The following PLD3 variants were observed in gnomAD, a reference collection of about 807,000 sequenced individuals.
The protein encoded by PLD3 is phospholipase D family member 3, also known as 5'-3' exonuclease PLD3.
A neutral mutation model predicts 58.4 loss-of-function variants in PLD3; 31 were observed. The ratio of observed to expected loss-of-function variants is 0.53; its 90% CI spans 0.40 to 0.72. The LOEUF is 0.72. Among genes scored for constraint, PLD3 ranks in the 30% least tolerant of loss-of-function variants. The probability of loss-of-function intolerance (pLI) is 0.00; values close to 1 mark genes in which losing one functional copy is unlikely to be tolerated. For synonymous variants in PLD3, 264 were observed against 273.4 expected, an observed-to-expected ratio of 0.97 and a Z score of 0.34; for missense variants, 595 against 659.8, an observed-to-expected ratio of 0.90 and a Z score of 1.08.
intron 9 of PLD3, 127 bp from the exon 10 acceptor site, chr19:40,374,354 T>G (rs2079139446): frequency 2.0e-6 from 2 of 985,516 alleles, no homozygotes; most frequent in Non-Finnish European, 1.5e-6. Context: ...TTGACCCTCT[T>G]CTTCATGGAG....
chr19:40,358,057 A>C (rs980567704), intron 1 of PLD3: 1 of 152,102 alleles, frequency 6.6e-6, no homozygotes, highest in Non-Finnish European at 1.5e-5. Flanking sequence ...TCCCCCAGCC[A>C]CCACCCTCCA....
intron 1 of PLD3, among the ~76,000 whole-genome samples, chr19:40,364,883 G>A (rs1384978294): frequency 6.6e-6 from 1 of 151,732 alleles, no homozygotes; most frequent in African/African-American, 2.4e-5. Flanking sequence ...AGGATTGCTT[G>A]AGCCTGGGAA....
chr19:40,368,218 GC>G (rs2078977205), intron 6 of PLD3, among the ~76,000 whole-genome samples: 1 of 152,054 alleles, frequency 6.6e-6, no homozygotes, highest in Non-Finnish European at 1.5e-5. Flanking sequence ...CAAGACAGGG[GC>G]CACCTCCCAG....
In PLD3 at chr19:40,366,693, C is replaced by G. The variant is rs1438991367; in HGVS notation, c.102+9C>G. 2 of 1,610,844 alleles carry G rather than the reference C, an allele frequency of 1.2e-6. No individual in the cohort carries two copies. The highest frequency in any genetic ancestry group is 1.7e-6 in the Non-Finnish European group (2 of 1,178,028). ...GGAAGGCTGCGGAAAAGGTAGGAGC[C>G]CTCCGCCACCCTCGCTCTGTCTCAG... On this transcript the variant is annotated intron_variant, in intron 4 of 12. Transcript: ENST00000409735.
rs267605483 is a variant in PLD3 at position 40,367,751 on chromosome 19, G to A, written c.301G>A (p.Gly101Arg). 1.2e-6 allele frequency: 2 copies of A among 1,613,868 alleles called. No individual in the cohort carries two copies. The highest frequency in any genetic ancestry group is 2.2e-5 in the East Asian group (1 of 44,864). ...CCTGGACTTCCCCAATGCCTCCACG[G>A]GGAACCCTTCCACCAGCCAGGCCTG... ...EGLDFPNAST[G>R]NPSTSQAWLG... is the part of the protein sequence containing the mutation. Residue 101 changes from glycine to arginine, a missense_variant, in exon 6 of 13, where the codon GGG (glycine) becomes AGG (arginine). Coordinates refer to ENST00000409735, the MANE Select transcript of PLD3 (RefSeq NM_012268.4).
chr19:40,355,612 CTTTTTTTTTTTTTT>C (rs60422933), intron 1 of PLD3, among the ~76,000 whole-genome samples: 2 of 81,104 alleles, frequency 2.5e-5, no homozygotes, highest in Admixed American at 1.7e-4. Flanking sequence ...GTGCCGGCTC[CTTTTTTTTTTTTTT>C]TTTTTTTTTT....
At position 40,370,180 on chromosome 19, in the gene PLD3, G is replaced by A. The variant is rs775104213; in HGVS notation, c.621G>A (p.Val207=). Residue 207 remains valine (V), a synonymous_variant, in exon 8 of 13, where the codon GTG becomes GTA. Transcript: ENST00000409735. The stretch of plus-strand genomic sequence containing the variant: ...TCCTGCATACCAAGTTCTGGGTGGT[G>A]GACCAGACCCACTTCTACCTGGGCA... ...HGVLHTKFWV[V]DQTHFYLGSA... 9 of 1,614,008 alleles carry A rather than the reference G, an allele frequency of 5.6e-6. No individual in the cohort carries two copies. In the Middle Eastern group the frequency reaches 4.9e-4, roughly 89 times the overall value.
chr19:40,349,884 G>A (rs923411601), intron 1 of PLD3, among the ~76,000 whole-genome samples: 53 of 147,714 alleles, frequency 3.6e-4, no homozygotes, highest in African/African-American at 1.2e-3. Context: ...CTTGAACCGG[G>A]GAGGTGGAGG....
At chr19:40,368,251 A>G (rs2145688955) in intron 6 of PLD3, among the ~76,000 whole-genome samples, 1 of 152,224 alleles carries the variant, frequency 6.6e-6, no homozygotes, top group South Asian at 2.1e-4. Context: ...CAGGCAGGCC[A>G]CCTCTTCTCT....
intron 11 of PLD3, 24 bp downstream of exon 11, chr19:40,376,798 C>G (rs769361473): frequency 1.9e-6 from 3 of 1,593,538 alleles, no homozygotes; most frequent in Non-Finnish European, 2.6e-6. Context: ...CAAGCCACCC[C>G]TTGGCCCCTG....
intron 9 of PLD3, among the ~76,000 whole-genome samples, chr19:40,372,373 T>G (rs2079087090): frequency 6.6e-6 from 1 of 152,024 alleles, no homozygotes; most frequent in African/African-American, 2.4e-5. Context: ...TGTGCATGCA[T>G]GTAGTCACAG....
In PLD3 at chr19:40,371,685, G is replaced by T; in HGVS notation, c.691G>T (p.Gly231Cys). Residue 231 changes from glycine to cysteine, a missense_variant, in exon 9 of 13, where the codon GGC becomes TGC. Transcript: ENST00000409735. ...TGCCCTCCTACAGGTCAAGGAGCTG[G>T]GCGTGGTCATGTACAACTGCAGCTG... Reference protein sequence around the residue: ...WRSLTQVKELGVVMYNCSCLA... With the variant: ...WRSLTQVKELCVVMYNCSCLA... 1 of 1,613,120 alleles carries T rather than the reference G, an allele frequency of 6.2e-7. No homozygotes were observed. Among genetic ancestry groups the T allele is most frequent in the Non-Finnish European group, 8.5e-7 (1 of 1,179,480 alleles).
chr19:40,352,543 C>A (rs1234332931), intron 1 of PLD3, among the ~76,000 whole-genome samples: 2 of 152,050 alleles, frequency 1.3e-5, no homozygotes, highest in Non-Finnish European at 2.9e-5. Context: ...TACCACATAT[C>A]CTATTTCTCT....
At position 40,371,452 on chromosome 19, in the gene PLD3, A is replaced by G. The variant is rs775803631; in HGVS notation, c.679-221A>G. On this transcript the variant is annotated intron_variant, in intron 8 of 12. Transcript: ENST00000409735. ...TAGAAGCTAGCTCAGTGGAGGGTAG[A>G]AGCAACAGCAGATTGCAAACGTTCA... The G allele has an allele frequency of 6.1e-5, 35 of 571,424 alleles. 1 individual carries two copies. Among genetic ancestry groups the G allele is most frequent in the Middle Eastern group, 4.6e-4 (1 of 2,168 alleles). 35.4% of individuals were successfully genotyped at this position (571,424 alleles called of 1,614,324 possible). A position where few individuals can be genotyped will look rare whatever the true frequency, so the allele number is the denominator to read the frequency against.
At position 40,366,924 on chromosome 19, in the gene PLD3, G is replaced by C. The variant is rs752954665; in HGVS notation, c.245+9G>C. The C allele has an allele frequency of 6.3e-7, 1 of 1,591,640 alleles. No homozygotes were observed. Among genetic ancestry groups the C allele is most frequent in the South Asian group, 1.1e-5 (1 of 88,052 alleles). The stretch of plus-strand genomic sequence containing the variant: ...TGCTATGACCCTTGCGAGTAAGTGG[G>C]GGGTGCTGCAGTTGGTGGGGGAGGG... On this transcript the variant is annotated intron_variant, in intron 5 of 12. Coordinates refer to ENST00000409735, the MANE Select transcript of PLD3 (RefSeq NM_012268.4).
At chr19:40,349,988 C>T (rs148543945) in intron 1 of PLD3, among the ~76,000 whole-genome samples, 1,567 of 146,500 alleles carry the variant, frequency 0.011, 13 homozygotes, top group African/African-American at 0.038. Flanking sequence ...AGGCCAGGCG[C>T]GGTGGCTCAC....
At chr19:40,360,954 C>T (rs2078767018) in intron 1 of PLD3, among the ~76,000 whole-genome samples, 1 of 152,178 alleles carries the variant, frequency 6.6e-6, no homozygotes, top group Non-Finnish European at 1.5e-5. Flanking sequence ...GCGTGGGACA[C>T]ATCTTTTTTG....
In PLD3 at chr19:40,364,903, G is replaced by A. The variant is rs56301014; in HGVS notation, c.-278-815G>A. On this transcript the variant is annotated intron_variant, in intron 1 of 12. Coordinates refer to ENST00000409735, the MANE Select transcript of PLD3 (RefSeq NM_012268.4). ...TGCTTGAGCCTGGGAAGTTGAGGCCGCAGTGAGCTATGATCATGCTGCTGC... is the reference window on the plus strand; with the variant it reads ...TGCTTGAGCCTGGGAAGTTGAGGCCACAGTGAGCTATGATCATGCTGCTGC... Among the ~76,000 whole-genome samples, 685 of 151,936 alleles carry A rather than the reference G, an allele frequency of 4.5e-3. 7 individuals are homozygous for A. Among genetic ancestry groups the A allele is most frequent in the African/African-American group, 0.015 (617 of 41,416 alleles).
Position 40,364,715 on chromosome 19 carries a change from GAACC to G in PLD3, c.-278-1001_-278-998del, listed in dbSNP as rs761956685. Among the ~76,000 whole-genome samples the G allele has an allele frequency of 2.7e-4, 41 of 151,328 alleles. No homozygotes were observed. In the East Asian group the frequency reaches 6.2e-3, roughly 23 times the overall value. On this transcript the variant is annotated intron_variant, in intron 1 of 12. Transcript: ENST00000409735. ...GGAAGCTGAGGTGGGCGAATTGCTCGAACCAGGGAGGTGGAGGTTGCAGTGAGCC... is the reference window on the plus strand; with the variant it reads ...GGAAGCTGAGGTGGGCGAATTGCTCGAGGGAGGTGGAGGTTGCAGTGAGCC...
Sources: allele counts gnomAD v4.1 joint callset (sites outside exome capture counted in the v4.1 genomes callset), GRCh38; gene constraint gnomAD v4.1.1; transcripts MANE v1.5; gene names NCBI Gene and HGNC (gene_info 2026-07-23, HGNC 2026-07-21).